Variants in ACOT1 observed in about 807,000 individuals in gnomAD.
The protein encoded by ACOT1 is acyl-CoA thioesterase 1.
Under a neutral mutation model 15.7 loss-of-function variants are expected in ACOT1, and 8 were observed. The ratio of observed to expected loss-of-function variants is 0.51; its 90% CI spans 0.30 to 0.92. The LOEUF is 0.92. ACOT1 is among the 40% of genes least tolerant of loss of function. ACOT1 has a pLI of 0.06. For synonymous variants in ACOT1, 67 were observed against 241.2 expected (o/e 0.28, Z 6.69); for missense variants, 151 against 539.4 (o/e 0.28, Z 7.13).
chr14:73,506,804 G>GTTTTTTTTTTTTTTTTTTTT, the ACOT1 span, among the ~76,000 whole-genome samples: 923 of 80,468 alleles, frequency 0.011, 162 homozygotes, highest in Middle Eastern at 0.042. Flanking sequence ...GACTTTAACT[G>GTTTTTTTTTTTTTTTTTTTT]TTTTTTTTTT....
chr14:73,525,941 A>C, the ACOT1 span, among the ~76,000 whole-genome samples: 1 of 121,254 alleles, frequency 8.2e-6, no homozygotes, highest in East Asian at 2.7e-4. Flanking sequence ...TGACAGAGTG[A>C]GACTCCTTAT....
At chr14:73,524,310 A>AATATATATATATATATATATATAT in the ACOT1 span, among the ~76,000 whole-genome samples, 1 of 54,778 alleles carries the variant, frequency 1.8e-5, no homozygotes. Flanking sequence ...AAAAAAAAAA[A>AATATATATATATATATATATATAT]ATATATATAT....
At chr14:73,500,330 A>T in the ACOT1 span, among the ~76,000 whole-genome samples, 9 of 143,394 alleles carry the variant, frequency 6.3e-5, no homozygotes, top group Admixed American at 6.3e-4. Context: ...AGTGTACTTT[A>T]TATGTGGCCC....
the ACOT1 span, among the ~76,000 whole-genome samples, chr14:73,526,082 C>T: frequency 6.6e-6 from 1 of 152,118 alleles, no homozygotes; most frequent in African/African-American, 2.4e-5. Flanking sequence ...TCGCCTATGC[C>T]CCCCTCCCTC....
At chr14:73,511,778 G>C in the ACOT1 span, among the ~76,000 whole-genome samples, 1 of 152,160 alleles carries the variant, frequency 6.6e-6, no homozygotes, top group Non-Finnish European at 1.5e-5. Flanking sequence ...GCAGGCCACT[G>C]AGCAAACAAA....
chr14:73,524,082 G>A, the ACOT1 span, among the ~76,000 whole-genome samples: 4 of 151,920 alleles, frequency 2.6e-5, no homozygotes, highest in South Asian at 8.3e-4. Flanking sequence ...CCTGAGGTCT[G>A]GAGTTTGAGA....
At chr14:73,527,527 T>A in the ACOT1 span, 1 of 140,152 alleles carries the variant, frequency 7.1e-6, no homozygotes. Context: ...TTTACTTCTC[T>A]AATAAACTTG....
the ACOT1 span, among the ~76,000 whole-genome samples, chr14:73,523,435 A>G: frequency 3.3e-5 from 5 of 152,308 alleles, no homozygotes; most frequent in African/African-American, 1.2e-4. Flanking sequence ...CTTGTTCCCA[A>G]AGCTCAGACC....
the ACOT1 span, among the ~76,000 whole-genome samples, chr14:73,515,068 C>CA: frequency 0.052 from 5,793 of 110,468 alleles, 351 homozygotes; most frequent in African/African-American, 0.15. Flanking sequence ...ACTCCGTTCT[C>CA]AAAAAAAAAA....
chr14:73,522,794 T>C, the ACOT1 span: 33 of 1,614,074 alleles, frequency 2.0e-5, no homozygotes, highest in Non-Finnish European at 2.8e-5. Flanking sequence ...ACCCAGGAAC[T>C]TGAAGCTAAC....
the ACOT1 span, chr14:73,522,904 C>T: frequency 1.2e-6 from 2 of 1,614,216 alleles, no homozygotes; most frequent in Non-Finnish European, 1.7e-6. Flanking sequence ...GAATGCTGGG[C>T]AGGCCTCGCT....
chr14:73,524,253 A>G, the ACOT1 span, among the ~76,000 whole-genome samples: 1 of 142,844 alleles, frequency 7.0e-6, no homozygotes, highest in Non-Finnish European at 1.5e-5. Flanking sequence ...AGATCATGCC[A>G]TTGCACACCA....
At chr14:73,521,926 C>G in the ACOT1 span, among the ~76,000 whole-genome samples, 2 of 152,176 alleles carry the variant, frequency 1.3e-5, no homozygotes, top group East Asian at 3.8e-4. Flanking sequence ...GCAGTGGTTC[C>G]CAGCTGGGAA....
chr14:73,524,166 C>T, the ACOT1 span, among the ~76,000 whole-genome samples: 1 of 151,124 alleles, frequency 6.6e-6, no homozygotes. Context: ...GTGGCATGTG[C>T]CTGTAATCCC....
At chr14:73,522,240 C>T in the ACOT1 span, 1 of 1,593,044 alleles carries the variant, frequency 6.3e-7, no homozygotes, top group Non-Finnish European at 8.6e-7. Context: ...CAGGGATTAT[C>T]AAAGGTGCAC....
At chr14:73,542,363 T>G (rs1889115061) in intron 2 of ACOT1, among the ~76,000 whole-genome samples, 1 of 109,550 alleles carries the variant, frequency 9.1e-6, no homozygotes, top group Admixed American at 1.0e-4. Flanking sequence ...TATTTGTAGT[T>G]GGTATTATGC....
At chr14:73,515,278 GT>G in the ACOT1 span, among the ~76,000 whole-genome samples, 1 of 152,022 alleles carries the variant, frequency 6.6e-6, no homozygotes. Context: ...AGCCATTTCT[GT>G]TTTTTTCCAA....
the ACOT1 span, chr14:73,509,327 T>C: frequency 1.9e-6 from 3 of 1,614,094 alleles, no homozygotes; most frequent in Admixed American, 3.3e-5. Context: ...AGAAGGGCAG[T>C]CTGCATGATG....
At chr14:73,502,961 A>G in the ACOT1 span, 1 of 1,613,786 alleles carries the variant, frequency 6.2e-7, no homozygotes, top group African/African-American at 1.3e-5. Context: ...TGCTCTCCTC[A>G]CTTCCTTATT....
Sources: gnomAD v4.1 joint callset for allele counts (sites outside exome capture counted in the v4.1 genomes callset) on GRCh38, gnomAD v4.1.1 for gene constraint, MANE v1.5 for transcripts, NCBI Gene and HGNC (gene_info 2026-07-23, HGNC 2026-07-21) for gene names.